The following NAALADL2 variants were observed in gnomAD, a reference collection of about 807,000 sequenced individuals.
The protein encoded by NAALADL2 is N-acetylated alpha-linked acidic dipeptidase like 2.
A neutral mutation model predicts 87.2 loss-of-function variants in NAALADL2; 76 were observed. The ratio of observed to expected loss-of-function variants is 0.87; its 90% CI spans 0.72 to 1.05. The LOEUF (loss-of-function observed/expected upper bound fraction) is 1.05, where lower values mean the gene tolerates loss of function less well. Ranked by LOEUF, NAALADL2 falls within the 50% of genes least tolerant of loss-of-function variation. The pLI is 0.00. For missense variants in NAALADL2, 1,089 were observed against 945.8 expected (o/e 1.15, Z -1.99); for synonymous variants, 354 against 331.0 (o/e 1.07, Z -0.75).
intron 1 of NAALADL2, among the ~76,000 whole-genome samples, chr3:174,501,098 A>G (rs1248176689): frequency 2.6e-5 from 2 of 76,986 alleles, no homozygotes; most frequent in African/African-American, 9.4e-5. Context: ...TTTTTTTTTG[A>G]GACGGAGTCT....
chr3:175,647,644 G>T (rs1020969331), intron 11 of NAALADL2, among the ~76,000 whole-genome samples: 3 of 152,124 alleles, frequency 2.0e-5, no homozygotes, highest in Admixed American at 1.3e-4. Flanking sequence ...TGATGTATTT[G>T]CTACTTAAGC....
chr3:175,696,363 A>G (rs966477147), intron 11 of NAALADL2, among the ~76,000 whole-genome samples: 4 of 152,116 alleles, frequency 2.6e-5, no homozygotes, highest in African/African-American at 9.7e-5. Flanking sequence ...AAATGTAAAC[A>G]AATGAAACTT....
chr3:174,998,655 G>A (rs1747844759), intron 1 of NAALADL2, among the ~76,000 whole-genome samples: 1 of 152,110 alleles, frequency 6.6e-6, no homozygotes. Flanking sequence ...GAAGTAATCT[G>A]CATGTTGAGT....
rs566584562 is a variant in NAALADL2 at position 174,831,364 on chromosome 3, A to C, written c.-9+93618A>C. On this transcript the variant is annotated intron_variant, in intron 3 of 3. Coordinates refer to the NAALADL2 transcript ENST00000434257. ...GGCCTTTTCTGCATCTATTGAGAAAATCATGTGGTTTTTGTCTTTGGTTCT... is the reference window on the plus strand; with the variant it reads ...GGCCTTTTCTGCATCTATTGAGAAACTCATGTGGTTTTTGTCTTTGGTTCT... Among the ~76,000 whole-genome samples the C allele has an allele frequency of 1.0e-4, 15 of 146,240 alleles. No individual in the cohort carries two copies. In the South Asian group the frequency reaches 3.1e-3, roughly 31 times the overall value.
chr3:175,010,608 T>C (rs1749651155), intron 1 of NAALADL2, among the ~76,000 whole-genome samples: 1 of 152,202 alleles, frequency 6.6e-6, no homozygotes, highest in South Asian at 2.1e-4. Flanking sequence ...TGTTTGTTTG[T>C]TTGAAGTCAT....
chr3:175,685,454 GTGT>G lies in NAALADL2; in HGVS notation c.1897-51851_1897-51849del, dbSNP rs1240516223. Among the ~76,000 whole-genome samples, 68 of 77,296 alleles carry G rather than the reference GTGT, an allele frequency of 8.8e-4. No homozygotes were observed. The African/African-American group carries it at 9.5e-3, about 11-fold the overall frequency. The allele number at this position is 77,296 out of a possible 152,430, so 50.7% of individuals were successfully genotyped here. On this transcript the variant is annotated intron_variant, in intron 11 of 13. Transcript: ENST00000454872. ...GAGAAATAGAACCAACAGGAGGTGT[GTGT>G]GTGTGTGTGTGTGTGTGTGTGTGTG... is the stretch of plus-strand genomic sequence containing the variant.
At chr3:175,431,242 CT>C (rs1717704570) in intron 5 of NAALADL2, among the ~76,000 whole-genome samples, 1 of 152,066 alleles carries the variant, frequency 6.6e-6, no homozygotes, top group African/African-American at 2.4e-5. Context: ...TCTCTGTACA[CT>C]TCACGAGTTG....
rs964990683 is a variant in NAALADL2 at position 175,806,862 on chromosome 3, A to G, written c.*3659A>G. On this transcript the variant is annotated 3_prime_UTR_variant, in exon 14 of 14. Coordinates refer to ENST00000454872, the MANE Select transcript of NAALADL2 (RefSeq NM_207015.3). ...TTCTTTACACTGAGTGCCGAAAAAA[A>G]AAATCAGACTATTTTGATTCTAGAA... 2 of 151,716 alleles carry G rather than the reference A, an allele frequency of 1.3e-5. No individual in the cohort carries two copies. The highest frequency in any genetic ancestry group is 2.9e-5 in the Non-Finnish European group (2 of 67,822). 9.4% of individuals were successfully genotyped at this position (151,716 alleles called of 1,614,324 possible). A position where few individuals can be genotyped will look rare whatever the true frequency, so the allele number is the denominator to read the frequency against.
intron 1 of NAALADL2, among the ~76,000 whole-genome samples, chr3:175,022,131 C>G (rs1560486010): frequency 6.6e-6 from 1 of 152,016 alleles, no homozygotes; most frequent in African/African-American, 2.4e-5. Flanking sequence ...CTGAAAGCTT[C>G]CTGAAGCCCT....
chr3:175,258,317 CCA>C (rs1750405414), intron 4 of NAALADL2, among the ~76,000 whole-genome samples: 3 of 135,942 alleles, frequency 2.2e-5, no homozygotes, highest in Admixed American at 7.8e-5. Context: ...CCCTCCGCCC[CCA>C]CCACCAAAAA....
chr3:175,061,416 C>G (rs1713456996), intron 1 of NAALADL2, among the ~76,000 whole-genome samples: 2 of 152,120 alleles, frequency 1.3e-5, no homozygotes, highest in Non-Finnish European at 2.9e-5. Flanking sequence ...TATTCTGTTA[C>G]ATCTGTTGCT....
chr3:175,532,692 C>A (rs1734242695), intron 9 of NAALADL2, among the ~76,000 whole-genome samples: 1 of 152,206 alleles, frequency 6.6e-6, no homozygotes, highest in Non-Finnish European at 1.5e-5. Context: ...ACGGTGGCTA[C>A]ACCCACCTTG....
At chr3:175,565,807 A>C in intron 9 of NAALADL2, among the ~76,000 whole-genome samples, 2 of 150,690 alleles carry the variant, frequency 1.3e-5, no homozygotes, top group African/African-American at 4.9e-5. Context: ...CTATGTCCAA[A>C]CAAAAAACAA....
chr3:174,544,171 G>A (rs1722514632), intron 1 of NAALADL2, among the ~76,000 whole-genome samples: 1 of 152,002 alleles, frequency 6.6e-6, no homozygotes, highest in African/African-American at 2.4e-5. Context: ...ATAGCTCTAT[G>A]CTTATAAAGT....
At chr3:175,621,008 G>A (rs1726152089) in intron 10 of NAALADL2, among the ~76,000 whole-genome samples, 1 of 152,126 alleles carries the variant, frequency 6.6e-6, no homozygotes, top group South Asian at 2.1e-4. Flanking sequence ...CTGACCGGAG[G>A]TATTTTTGGA....
chr3:175,083,135 G>T (rs1376774067), intron 1 of NAALADL2, among the ~76,000 whole-genome samples: 2 of 152,108 alleles, frequency 1.3e-5, no homozygotes, highest in African/African-American at 2.4e-5. Flanking sequence ...GTAAATTCTA[G>T]GATGGATTTT....
At chr3:174,446,858 G>A (rs1380676151) in intron 1 of NAALADL2, among the ~76,000 whole-genome samples, 2 of 152,138 alleles carry the variant, frequency 1.3e-5, no homozygotes, top group Non-Finnish European at 2.9e-5. Flanking sequence ...ACCTTCAGGT[G>A]ATAAAAGCCT....
chr3:175,332,956 G>T (rs1368891421), intron 5 of NAALADL2, among the ~76,000 whole-genome samples: 1 of 152,090 alleles, frequency 6.6e-6, no homozygotes, highest in Non-Finnish European at 1.5e-5. Flanking sequence ...TTGGTGAATT[G>T]ACCCATTTAT....
intron 1 of NAALADL2, among the ~76,000 whole-genome samples, chr3:174,542,592 A>G (rs1262650120): frequency 6.6e-6 from 1 of 152,194 alleles, no homozygotes; most frequent in African/African-American, 2.4e-5. Flanking sequence ...CAAAGGTCCC[A>G]GGAAAGGTAA....
Sources: allele counts gnomAD v4.1 joint callset (sites outside exome capture counted in the v4.1 genomes callset), GRCh38; gene constraint gnomAD v4.1.1; transcripts MANE v1.5; gene names NCBI Gene and HGNC (gene_info 2026-07-23, HGNC 2026-07-21).